The following PEPD variants were observed in gnomAD, a reference collection of about 807,000 sequenced individuals.
The protein encoded by PEPD is peptidase D.
PEPD carries 53 observed loss-of-function variants against 60.7 expected under a neutral mutation model. The observed-to-expected ratio is 0.87, with a 90% CI of 0.70 to 1.10. The LOEUF is 1.10. Ranked by LOEUF, PEPD falls within the 50% of genes least tolerant of loss-of-function variation. The pLI, the probability that PEPD is intolerant of heterozygous loss-of-function variation, is 0.00. For missense variants in PEPD, 711 were observed against 711.9 expected, an observed-to-expected ratio of 1.00 and a Z score of 0.01; for synonymous variants, 267 against 284.1, an observed-to-expected ratio of 0.94 and a Z score of 0.60.
intron 11 of PEPD, among the ~76,000 whole-genome samples, chr19:33,406,102 A>G (rs1262837388): frequency 6.6e-6 from 1 of 152,196 alleles, no homozygotes; most frequent in African/African-American, 2.4e-5. Context: ...GCTGCCAGGA[A>G]AGCACAGTGG....
chr19:33,398,144 TC>T (rs1968409336), intron 12 of PEPD, among the ~76,000 whole-genome samples: 1 of 152,144 alleles, frequency 6.6e-6, no homozygotes, highest in African/African-American at 2.4e-5. Context: ...GCCGCCCTGC[TC>T]CCCGTGGCCT....
chr19:33,480,230 G>A (rs752642316), intron 6 of PEPD, among the ~76,000 whole-genome samples: 46 of 152,152 alleles, frequency 3.0e-4, no homozygotes, highest in Non-Finnish European at 5.1e-4. Flanking sequence ...AAACAGAAAC[G>A]AAAGTGGAAC....
chr19:33,521,205 G>C (rs1188566915), intron 1 of PEPD, among the ~76,000 whole-genome samples: 1 of 152,226 alleles, frequency 6.6e-6, no homozygotes, highest in African/African-American at 2.4e-5. Flanking sequence ...ATGCAGAGAA[G>C]ATAAAGAACA....
At chr19:33,457,116 C>A (rs1465766073) in intron 9 of PEPD, among the ~76,000 whole-genome samples, 3 of 149,920 alleles carry the variant, frequency 2.0e-5, no homozygotes, top group Non-Finnish European at 4.4e-5. Context: ...AGTCGCTGCA[C>A]AGGAGGGACT....
At chr19:33,485,964 G>A (rs1970390796) in intron 6 of PEPD, among the ~76,000 whole-genome samples, 1 of 151,974 alleles carries the variant, frequency 6.6e-6, no homozygotes, top group Admixed American at 6.5e-5. Context: ...AGGCACCCTC[G>A]TTAAGGCATG....
intron 7 of PEPD, among the ~76,000 whole-genome samples, chr19:33,465,812 A>C (rs1326288697): frequency 2.0e-5 from 3 of 152,170 alleles, no homozygotes; most frequent in Non-Finnish European, 4.4e-5. Context: ...GTTGCACTCC[A>C]TGCAAAAATT....
chr19:33,419,093 T>A (rs1175070460), intron 9 of PEPD, among the ~76,000 whole-genome samples: 2 of 152,158 alleles, frequency 1.3e-5, no homozygotes, highest in East Asian at 3.9e-4. Flanking sequence ...AGACAGAGAC[T>A]GTTTGACCTG....
chr19:33,489,667 T>C (rs546022714), intron 6 of PEPD, among the ~76,000 whole-genome samples: 86 of 151,930 alleles, frequency 5.7e-4, no homozygotes, highest in Middle Eastern at 6.8e-3. Context: ...GGTGGTGGCT[T>C]GATGCACAGA....
intron 1 of PEPD, among the ~76,000 whole-genome samples, chr19:33,518,284 G>C (rs913237467): frequency 1.3e-5 from 2 of 152,292 alleles, no homozygotes; most frequent in Middle Eastern, 6.8e-3. Context: ...AAGAGCCAGG[G>C]AAGGCACAGG....
intron 1 of PEPD, 102 bp downstream of exon 1, chr19:33,521,642 G>T: frequency 8.0e-7 from 1 of 1,253,382 alleles, no homozygotes; most frequent in Non-Finnish European, 1.1e-6. Context: ...CCTACCCGCG[G>T]CATTCAGCGA....
Position 33,493,335 on chromosome 19 carries a change from A to G in PEPD, c.396T>C (p.Ile132=). The G allele has an allele frequency of 6.2e-7, 1 of 1,612,948 alleles. No homozygotes were observed. The highest frequency in any genetic ancestry group is 8.5e-7 in the Non-Finnish European group (1 of 1,178,990). The part of the protein sequence containing the change: ...AVDDVQYVDE[I]ASVLTSQKPS... ...GCTTCTGTGACGTCAGGACGCTGGC[A>G]ATCTAGAAGGTCGGAAAGAAAAACC... The change falls in exon 5 of 15, where the codon ATT becomes ATC. Residue 132 remains isoleucine (I), a splice_region_variant and synonymous_variant. Transcript: ENST00000244137.
intron 7 of PEPD, among the ~76,000 whole-genome samples, chr19:33,472,817 T>A (rs1011854149): frequency 2.0e-5 from 3 of 152,084 alleles, no homozygotes; most frequent in Admixed American, 6.5e-5. Flanking sequence ...CAGGGAATGA[T>A]TCTATTGGAG....
chr19:33,464,294 C>T (rs117512467), intron 7 of PEPD, among the ~76,000 whole-genome samples: 3 of 152,216 alleles, frequency 2.0e-5, no homozygotes, highest in Non-Finnish European at 2.9e-5. Flanking sequence ...CACCAGCCAG[C>T]GGGCAGACTG....
chr19:33,389,020 T>G (rs1968148162), intron 13 of PEPD: 1 of 152,390 alleles, frequency 6.6e-6, no homozygotes, highest in South Asian at 2.1e-4. Flanking sequence ...CCTGCCCGGC[T>G]GCACTCCCTC....
intron 4 of PEPD, among the ~76,000 whole-genome samples, chr19:33,497,435 T>C (rs1323361077): frequency 6.6e-6 from 1 of 152,254 alleles, no homozygotes; most frequent in East Asian, 1.9e-4. Context: ...CACTCAAGGT[T>C]CTGCTGAATG....
At chr19:33,441,117 T>C (rs1176499269) in intron 9 of PEPD, among the ~76,000 whole-genome samples, 1 of 152,226 alleles carries the variant, frequency 6.6e-6, no homozygotes, top group Non-Finnish European at 1.5e-5. Flanking sequence ...GCCCCACCTA[T>C]GGCATCTGGA....
At chr19:33,468,826 C>T (rs1452285409) in intron 7 of PEPD, among the ~76,000 whole-genome samples, 1 of 152,230 alleles carries the variant, frequency 6.6e-6, no homozygotes, top group African/African-American at 2.4e-5. Flanking sequence ...AGCCTGACAG[C>T]ATGCTGTTAA....
At chr19:33,513,299 T>C (rs1472165968) in intron 1 of PEPD, among the ~76,000 whole-genome samples, 1 of 151,916 alleles carries the variant, frequency 6.6e-6, no homozygotes, top group African/African-American at 2.4e-5. Flanking sequence ...GTCCTTCAGC[T>C]CAAAGGACCA....
In PEPD at chr19:33,513,585, T is replaced by C. The variant is rs570913688; in HGVS notation, c.18-809A>G. 3.3e-3 allele frequency among the ~76,000 whole-genome samples: 501 copies of C among 152,320 alleles called. 3 individuals carry two copies. The highest frequency in any genetic ancestry group is 5.4e-3 in the Non-Finnish European group (369 of 68,036). On this transcript the variant is annotated intron_variant, in intron 1 of 14. Transcript: ENST00000244137. ...CTGCAGGCAACTCTCAACGGTGCTCTTGGCCGCAACTTCCCCGTGGCCTGG... is the reference window on the plus strand; with the variant it reads ...CTGCAGGCAACTCTCAACGGTGCTCCTGGCCGCAACTTCCCCGTGGCCTGG...
Sources: gnomAD v4.1 joint callset for allele counts (sites outside exome capture counted in the v4.1 genomes callset) on GRCh38, gnomAD v4.1.1 for gene constraint, MANE v1.5 for transcripts, NCBI Gene and HGNC (gene_info 2026-07-23, HGNC 2026-07-21) for gene names.